Variants in CASD1 observed in about 807,000 individuals in gnomAD.
The protein encoded by CASD1 is CAS1 domain sialic acid O acetyltransferase 1.
A neutral mutation model predicts 100.0 loss-of-function variants in CASD1; 41 were observed. The ratio of observed to expected loss-of-function variants is 0.41; its 90% CI spans 0.32 to 0.53. The LOEUF is 0.53. Among genes scored for constraint, CASD1 ranks in the 20% least tolerant of loss-of-function variants. The pLI, the probability that CASD1 is intolerant of heterozygous loss-of-function variation, is 0.25. For synonymous variants in CASD1, 321 were observed against 315.6 expected (o/e 1.02, Z -0.18); for missense variants, 774 against 948.7 (o/e 0.82, Z 2.42).
intron 4 of CASD1, 38 bp downstream of exon 4, chr7:94,527,244 T>C (rs1452594119): frequency 2.8e-6 from 4 of 1,411,226 alleles, no homozygotes; most frequent in Non-Finnish European, 4.0e-6. Context: ...GTTACAATGT[T>C]GAAACTATAT....
At chr7:94,604,502 C>T in the CASD1 span, among the ~76,000 whole-genome samples, 1 of 151,802 alleles carries the variant, frequency 6.6e-6, no homozygotes, top group East Asian at 1.9e-4. Flanking sequence ...CTCAGAGCTA[C>T]AGTAAGCAAG....
At chr7:94,516,638 A>G (rs1300866254) in intron 1 of CASD1, among the ~76,000 whole-genome samples, 2 of 151,630 alleles carry the variant, frequency 1.3e-5, no homozygotes, top group Non-Finnish European at 2.9e-5. Flanking sequence ...CACACCCCCA[A>G]CCCACCCCAT....
At chr7:94,599,777 T>G in the CASD1 span, 4 of 1,226,048 alleles carry the variant, frequency 3.3e-6, no homozygotes, top group Non-Finnish European at 4.8e-6. Context: ...ATTTGGAACA[T>G]TAAGACTATA....
At chr7:94,534,669 G>A (rs1795031186) in intron 7 of CASD1, among the ~76,000 whole-genome samples, 1 of 151,906 alleles carries the variant, frequency 6.6e-6, no homozygotes. Context: ...AGCAATTCAT[G>A]TTTTGTGTCA....
the CASD1 span, chr7:94,620,269 G>C: frequency 6.6e-6 from 1 of 152,010 alleles, no homozygotes; most frequent in East Asian, 1.9e-4. Context: ...ATTTTCAACA[G>C]AGTTTTCTAG....
the CASD1 span, chr7:94,603,500 C>G: frequency 6.5e-7 from 1 of 1,549,000 alleles, no homozygotes; most frequent in Non-Finnish European, 8.9e-7. Flanking sequence ...AAATTGAAAA[C>G]ACTAAAAAAC....
chr7:94,588,834 C>A, the CASD1 span: 1 of 1,297,890 alleles, frequency 7.7e-7, no homozygotes, highest in Non-Finnish European at 1.1e-6. Context: ...AACTATGACC[C>A]CAGTCATGTA....
chr7:94,623,322 T>A, the CASD1 span: 1 of 1,553,128 alleles, frequency 6.4e-7, no homozygotes, highest in Non-Finnish European at 8.9e-7. Flanking sequence ...TTTTCATACC[T>A]ACCTTCTGCA....
chr7:94,557,493 C>G (rs1334197109), downstream of CASD1, among the ~76,000 whole-genome samples: 2 of 152,040 alleles, frequency 1.3e-5, no homozygotes, highest in Non-Finnish European at 2.9e-5. Context: ...GTTCATGTAG[C>G]TTGCCAATGA....
the CASD1 span, among the ~76,000 whole-genome samples, chr7:94,577,890 C>A: frequency 6.6e-6 from 1 of 152,142 alleles, no homozygotes; most frequent in African/African-American, 2.4e-5. Context: ...TGACAATTCT[C>A]TTCATTAGAG....
the CASD1 span, chr7:94,600,251 A>AT: frequency 4.8e-6 from 1 of 208,672 alleles, no homozygotes; most frequent in Non-Finnish European, 9.7e-6. Flanking sequence ...CAGCAGAATG[A>AT]TTTCAAGAGT....
the CASD1 span, among the ~76,000 whole-genome samples, chr7:94,565,178 C>A: frequency 0.67 from 101,203 of 151,784 alleles, 34,709 homozygotes; most frequent in African/African-American, 0.83. Flanking sequence ...AACTCTGACA[C>A]TTATGTGCCA....
the CASD1 span, chr7:94,620,071 A>G: frequency 6.6e-6 from 1 of 152,202 alleles, no homozygotes; most frequent in Admixed American, 6.5e-5. Context: ...TAATTACACT[A>G]TGTATATCCT....
the CASD1 span, chr7:94,603,503 TA>T: frequency 6.5e-7 from 1 of 1,536,012 alleles, no homozygotes; most frequent in East Asian, 2.3e-5. Context: ...TTGAAAACAC[TA>T]AAAAACAATC....
intron 3 of CASD1, among the ~76,000 whole-genome samples, chr7:94,524,749 G>A (rs1258471214): frequency 1.3e-5 from 2 of 151,556 alleles, no homozygotes; most frequent in Non-Finnish European, 2.9e-5. Context: ...TACAAAAATA[G>A]TAAGTATGAT....
the CASD1 span, chr7:94,620,771 T>C: frequency 2.0e-5 from 3 of 152,386 alleles, no homozygotes; most frequent in East Asian, 5.8e-4. Context: ...GCTCCTTTTC[T>C]GAGACCTGCT....
chr7:94,582,133 A>C, the CASD1 span, among the ~76,000 whole-genome samples: 1 of 152,030 alleles, frequency 6.6e-6, no homozygotes, highest in African/African-American at 2.4e-5. Flanking sequence ...ATGATCAGCG[A>C]TGTTGAGCTT....
At chr7:94,582,423 A>G in the CASD1 span, among the ~76,000 whole-genome samples, 1 of 152,090 alleles carries the variant, frequency 6.6e-6, no homozygotes, top group African/African-American at 2.4e-5. Context: ...GCACCTGGCC[A>G]GCTTTTTTTC....
At chr7:94,624,535 T>G in the CASD1 span, 1 of 265,828 alleles carries the variant, frequency 3.8e-6, no homozygotes, top group East Asian at 6.3e-5. Context: ...TTCCTTGCTG[T>G]TATCTGTTGG....
Sources: allele counts gnomAD v4.1 joint callset (sites outside exome capture counted in the v4.1 genomes callset), GRCh38; gene constraint gnomAD v4.1.1; transcripts MANE v1.5; gene names NCBI Gene and HGNC (gene_info 2026-07-23, HGNC 2026-07-21).